The following MLC1 variants were observed in gnomAD, a reference collection of about 807,000 sequenced individuals.
MLC1 encodes the protein membrane protein MLC1.
Under a neutral mutation model 44.7 loss-of-function variants are expected in MLC1, and 32 were observed. That is an observed-to-expected ratio of 0.72 (90% CI 0.54 to 0.96). The LOEUF is 0.96. Among genes scored for constraint, MLC1 ranks in the 40% least tolerant of loss-of-function variants. The pLI is 0.00. For synonymous variants in MLC1, 190 were observed against 213.0 expected, an observed-to-expected ratio of 0.89 and a Z score of 0.94; for missense variants, 459 against 492.2, an observed-to-expected ratio of 0.93 and a Z score of 0.64.
intron 8 of MLC1, among the ~76,000 whole-genome samples, chr22:50,071,443 C>T (rs1461418966): frequency 2.0e-5 from 3 of 152,210 alleles, no homozygotes; most frequent in Non-Finnish European, 4.4e-5. Flanking sequence ...GATCCGGATT[C>T]GGTCTGCCAT....
At position 50,068,537 on chromosome 22, in the gene MLC1, T is replaced by C. The variant is rs1395799135; in HGVS notation, c.790A>G (p.Ile264Val). 1.3e-6 allele frequency: 2 copies of C among 1,594,740 alleles called. No individual in the cohort carries two copies. Among genetic ancestry groups the C allele is most frequent in the East Asian group, 2.3e-5 (1 of 43,246 alleles). ...AGCAGCGGAGACGTGAGGCTGCTTA[T>C]GGCAATCAGGACCTCCACCTGGAAA... ...SKCLVEVLIA[I>V]SSLTSPLLFT... is the part of the protein sequence containing the mutation. Residue 264 changes from isoleucine to valine, a missense_variant, in exon 10 of 12, where the codon ATA becomes GTA. Ile to Val is a conservative substitution (Grantham distance 29). Coordinates refer to ENST00000311597, the MANE Select transcript of MLC1 (RefSeq NM_015166.4).
intron 3 of MLC1, among the ~76,000 whole-genome samples, chr22:50,081,005 C>G (rs141128589): frequency 2.3e-4 from 1 of 4,312 alleles, no homozygotes; most frequent in Non-Finnish European, 8.4e-4. Context: ...GACCTTGTCT[C>G]AAAAAAAGAA....
At chr22:50,069,924 G>A (rs895810711) in intron 9 of MLC1, among the ~76,000 whole-genome samples, 7 of 152,002 alleles carry the variant, frequency 4.6e-5, no homozygotes, top group African/African-American at 7.2e-5. Flanking sequence ...AGTTTCGGCC[G>A]GGCGTGGTGG....
chr22:50,069,462 T>G (rs2061797299), intron 9 of MLC1, among the ~76,000 whole-genome samples: 1 of 151,768 alleles, frequency 6.6e-6, no homozygotes, highest in Non-Finnish European at 1.5e-5. Flanking sequence ...CTGGCCAACA[T>G]GGTGAAACCC....
At chr22:50,075,902 G>T (rs531528265) in intron 7 of MLC1, among the ~76,000 whole-genome samples, 1 of 152,062 alleles carries the variant, frequency 6.6e-6, no homozygotes, top group African/African-American at 2.4e-5. Flanking sequence ...AGGCCAAGGC[G>T]GAGGGAAGGG....
chr22:50,082,299 C>T (rs1042729477), intron 3 of MLC1, among the ~76,000 whole-genome samples: 1 of 152,214 alleles, frequency 6.6e-6, no homozygotes, highest in African/African-American at 2.4e-5. Context: ...CAGGGGTCAG[C>T]CAGCATGGTG....
intron 4 of MLC1, 59 bp downstream of exon 4, chr22:50,080,285 C>T (rs2062089002): frequency 6.5e-7 from 1 of 1,544,474 alleles, no homozygotes; most frequent in East Asian, 2.4e-5. Flanking sequence ...CATGGGCACA[C>T]TGTCTGTCAG....
chr22:50,082,052 C>G (rs1054277528), intron 3 of MLC1, among the ~76,000 whole-genome samples: 2 of 152,240 alleles, frequency 1.3e-5, no homozygotes, highest in Non-Finnish European at 2.9e-5. Flanking sequence ...TTCGGGGGCG[C>G]TGCTGGGGAC....
At chr22:50,080,910 C>G (rs1208572163) in intron 3 of MLC1, among the ~76,000 whole-genome samples, 1 of 151,558 alleles carries the variant, frequency 6.6e-6, no homozygotes, top group African/African-American at 2.4e-5. Flanking sequence ...CTAGTCCCAA[C>G]TACTCCGGAG....
intron 3 of MLC1, among the ~76,000 whole-genome samples, chr22:50,081,167 C>T (rs181752946): frequency 1.3e-4 from 20 of 152,018 alleles, no homozygotes; most frequent in Non-Finnish European, 2.2e-4. Flanking sequence ...TAGTGAAACC[C>T]CATCTCTACT....
At position 50,064,032 on chromosome 22, in the gene MLC1, A is replaced by C; in HGVS notation, c.1059+2T>G. 1 of 1,583,318 alleles carries C rather than the reference A, an allele frequency of 6.3e-7. No homozygotes were observed. On this transcript the variant is annotated splice_donor_variant, in intron 11 of 11. Coordinates refer to ENST00000311597, the MANE Select transcript of MLC1 (RefSeq NM_015166.4). LOFTEE classifies it high-confidence loss of function. ...TGCCCCCTCCCCCTGCAGGCCACTC[A>C]CCTCCCCAGCCAGGCGCTCCTGCGG...
At chr22:50,084,429 G>A (rs2062229273) in intron 2 of MLC1, among the ~76,000 whole-genome samples, 2 of 152,206 alleles carry the variant, frequency 1.3e-5, no homozygotes, top group African/African-American at 2.4e-5. Context: ...CCCCAGAGCC[G>A]AGGGTCATGG....
intron 6 of MLC1, 59 bp downstream of exon 6, chr22:50,077,342 C>T: frequency 1.3e-6 from 2 of 1,497,872 alleles, no homozygotes; most frequent in East Asian, 2.3e-5. Context: ...ACCCACCTCG[C>T]TCACCCTGGG....
chr22:50,068,011 C>T (rs73183380), intron 10 of MLC1, among the ~76,000 whole-genome samples: 36,454 of 152,054 alleles, frequency 0.24, 5,414 homozygotes, highest in Non-Finnish European at 0.33. Flanking sequence ...TCTAGCTACA[C>T]GTGCCTGAGC....
intron 11 of MLC1, among the ~76,000 whole-genome samples, chr22:50,062,700 C>T (rs560724563): frequency 3.9e-5 from 6 of 152,238 alleles, no homozygotes; most frequent in African/African-American, 7.2e-5. Context: ...GCGGCCGGTC[C>T]GCCCAGGATG....
At chr22:50,061,681 T>A in intron 11 of MLC1, 24 bp from the exon 12 acceptor site, 3 of 1,605,756 alleles carry the variant, frequency 1.9e-6, no homozygotes, top group Non-Finnish European at 2.6e-6. Context: ...AGGAAAGGTG[T>A]TACTTCACCA....
At chr22:50,064,883 CA>C (rs55744003) in intron 10 of MLC1, among the ~76,000 whole-genome samples, 36,412 of 152,174 alleles carry the variant, frequency 0.24, 5,404 homozygotes, top group Non-Finnish European at 0.33. Flanking sequence ...GTCACTGCTA[CA>C]AAAAGTAAGA....
At chr22:50,080,234 C>A (rs577987892) in intron 4 of MLC1, 110 bp downstream of exon 4, 7 of 1,395,028 alleles carry the variant, frequency 5.0e-6, no homozygotes, top group African/African-American at 2.9e-5. Context: ...GGGCCCCTCT[C>A]GGTGCCACAA....
chr22:50,074,237 C>G lies in MLC1; in HGVS notation c.693G>C (p.Thr231=). Residue 231 remains threonine, a synonymous_variant, in exon 8 of 12, where the codon ACG becomes ACC. Coordinates refer to ENST00000311597, the MANE Select transcript of MLC1 (RefSeq NM_015166.4). ...DSVSGPHLSV[T]FFWILVACFP... is the part of the protein sequence containing the mutation. ...TCACGGCCACTAGGATCCAAAAGAA[C>G]GTCACTGAGAGGTGTGGGCCTGAAA... 6.2e-7 allele frequency: 1 copy of G among 1,613,670 alleles called. No individual in the cohort carries two copies.
Sources: allele counts gnomAD v4.1 joint callset (sites outside exome capture counted in the v4.1 genomes callset), GRCh38; gene constraint gnomAD v4.1.1; transcripts MANE v1.5; gene names NCBI Gene and HGNC (gene_info 2026-07-23, HGNC 2026-07-21).